MTF1: variants seen among roughly 807,000 people sequenced by gnomAD.
The protein encoded by MTF1 is metal regulatory transcription factor 1.
A neutral mutation model predicts 70.4 loss-of-function variants in MTF1; 22 were observed. The ratio of observed to expected loss-of-function variants is 0.31; its 90% CI spans 0.22 to 0.45. MTF1 has a LOEUF of 0.45. Among genes scored for constraint, MTF1 ranks in the 20% least tolerant of loss-of-function variants. The pLI is 1.00. For synonymous variants in MTF1, 333 were observed against 352.8 expected (o/e 0.94, Z 0.63); for missense variants, 649 against 922.0 (o/e 0.70, Z 3.83).
intron 7 of MTF1, among the ~76,000 whole-genome samples, chr1:37,830,219 A>G (rs1413210661): frequency 6.6e-6 from 1 of 152,232 alleles, no homozygotes; most frequent in African/African-American, 2.4e-5. Flanking sequence ...AGGAATATGC[A>G]TAAAAGTCAT....
chr1:37,816,593 T>C (rs1440935096), intron 10 of MTF1, among the ~76,000 whole-genome samples: 1 of 148,534 alleles, frequency 6.7e-6, no homozygotes, highest in African/African-American at 2.5e-5. Flanking sequence ...GAGAATCACT[T>C]GAACCTAGGA....
At chr1:37,817,537 A>G in intron 9 of MTF1, 55 bp from the exon 10 acceptor site, 1 of 1,213,404 alleles carries the variant, frequency 8.2e-7, no homozygotes, top group Non-Finnish European at 1.2e-6. Context: ...GCAGATCCCC[A>G]GGGACCTGAA....
At chr1:37,835,281 T>C (rs1180054042) in intron 5 of MTF1, 66 bp from the exon 6 acceptor site, 1 of 1,399,150 alleles carries the variant, frequency 7.1e-7, no homozygotes, top group Non-Finnish European at 1.0e-6. Flanking sequence ...GAAATCTACC[T>C]TTCCCTAATA....
In MTF1 at chr1:37,857,431, C is replaced by T. The variant is rs776310392; in HGVS notation, c.228G>A (p.Gly76=). The T allele has an allele frequency of 1.2e-6, 2 of 1,614,160 alleles. No individual in the cohort carries two copies. Among genetic ancestry groups the T allele is most frequent in the East Asian group, 2.2e-5 (1 of 44,882 alleles). The change falls in exon 2 of 11, where the codon GGG becomes GGA. Residue 76 remains glycine (G), a synonymous_variant. Transcript: ENST00000373036. ...CTATCAGGTGAAAGCCCTCTTCACC[C>T]CCTACTAGAAAAGGCAAGTGTTCTC... ...QCGEHLPFLV[G]GEEGFHLIDH... is the part of the protein sequence containing the mutation.
Position 37,857,694 on chromosome 1 carries a change from A to G in MTF1, c.-36T>C, listed in dbSNP as rs1426249603. 1.3e-6 allele frequency: 2 copies of G among 1,597,632 alleles called. No individual in the cohort carries two copies. The highest frequency in any genetic ancestry group is 2.7e-5 in the African/African-American group (2 of 74,614). On this transcript the variant is annotated 5_prime_UTR_variant, in exon 2 of 11. Coordinates refer to ENST00000373036, the MANE Select transcript of MTF1 (RefSeq NM_005955.3). ...TGCTCAGCCCAGTTGTGAGAAATGA[A>G]AACGTAATGACTTGTCTGCAACAGA...
At chr1:37,842,465 C>G (rs1486827388) in intron 2 of MTF1, among the ~76,000 whole-genome samples, 4 of 152,168 alleles carry the variant, frequency 2.6e-5, no homozygotes, top group Non-Finnish European at 4.4e-5. Context: ...CCCTATTTTC[C>G]TTGACTATTC....
At chr1:37,829,505 G>A (rs551290537) in intron 7 of MTF1, among the ~76,000 whole-genome samples, 3 of 151,602 alleles carry the variant, frequency 2.0e-5, no homozygotes, top group East Asian at 2.0e-4. Flanking sequence ...AATCCTGGCC[G>A]GGCGCGGTGG....
chr1:37,826,538 A>ACTGGGATTAC lies in MTF1; in HGVS notation c.1069-2736_1069-2727dup, dbSNP rs750321390. 8 of 455,020 alleles carry ACTGGGATTAC rather than the reference A, an allele frequency of 1.8e-5. 1 individual carries two copies. Among genetic ancestry groups the ACTGGGATTAC allele is most frequent in the South Asian group, 1.2e-4 (8 of 64,444 alleles). 28.2% of individuals were successfully genotyped at this position (455,020 alleles called of 1,614,324 possible). Reference sequence around the variant, plus strand: ...TGGCCTCAAGCAGTCTTCCCAAAGCACTGGGATTACAAGTATGAGCCACCA... The same window carrying ACTGGGATTAC: ...TGGCCTCAAGCAGTCTTCCCAAAGCACTGGGATTACCTGGGATTACAAGTATGAGCCACCA... On this transcript the variant is annotated intron_variant, in intron 7 of 10. Transcript: ENST00000373036.
At chr1:37,817,990 G>C (rs746206208) in intron 9 of MTF1, among the ~76,000 whole-genome samples, 20 of 152,236 alleles carry the variant, frequency 1.3e-4, no homozygotes, top group Non-Finnish European at 2.6e-4. Context: ...CATAGTTCAA[G>C]GGTGGGCCCT....
intron 2 of MTF1, among the ~76,000 whole-genome samples, chr1:37,853,590 C>T (rs1047978662): frequency 6.6e-6 from 1 of 152,224 alleles, no homozygotes; most frequent in Non-Finnish European, 1.5e-5. Flanking sequence ...GGACAACTGG[C>T]TATTCCCTGA....
intron 7 of MTF1, among the ~76,000 whole-genome samples, chr1:37,831,290 G>A (rs1276409466): frequency 2.6e-5 from 4 of 152,254 alleles, no homozygotes; most frequent in Middle Eastern, 3.4e-3. Context: ...AGGTTCAGAT[G>A]CCACGGTCAG....
intron 2 of MTF1, among the ~76,000 whole-genome samples, chr1:37,847,454 G>A (rs367633934): frequency 9.2e-5 from 14 of 152,122 alleles, no homozygotes; most frequent in African/African-American, 3.1e-4. Context: ...CATAGTGATC[G>A]GTACATATCA....
intron 5 of MTF1, 116 bp from the exon 6 acceptor site, chr1:37,835,331 T>G: frequency 1.1e-6 from 1 of 871,770 alleles, no homozygotes; most frequent in South Asian, 1.6e-5. Flanking sequence ...GGGTAACAGT[T>G]GTTAAAAGTT....
chr1:37,845,224 G>A (rs945899349), intron 2 of MTF1, among the ~76,000 whole-genome samples: 1 of 152,220 alleles, frequency 6.6e-6, no homozygotes, highest in Admixed American at 6.5e-5. Flanking sequence ...CAAGTGACAT[G>A]TGACAAAGGA....
rs542626598 is a variant in MTF1 at position 37,841,597 on chromosome 1, C to T, written c.409-1439G>A. The T allele has an allele frequency of 4.2e-4, 75 of 180,386 alleles. No homozygotes were observed. The South Asian group carries it at 9.3e-3, about 22-fold the overall frequency. 11.2% of individuals were successfully genotyped at this position (180,386 alleles called of 1,614,324 possible). The stretch of plus-strand genomic sequence containing the variant: ...AAAGACTGTATTCACCAAGTCTCCC[C>T]GTCAGGAATTCACTGACCACCTCAT... On this transcript the variant is annotated intron_variant, in intron 2 of 10. Transcript: ENST00000373036.
In MTF1 at chr1:37,820,373, G is replaced by A. The variant is rs535600430; in HGVS notation, c.1767+1748C>T. ...ACCATTAGTGTCTGAACCCCTCAAC[G>A]CAGTGGCCAAGAGCCACCAACTCTG... On this transcript the variant is annotated intron_variant, in intron 9 of 10. Transcript: ENST00000373036. 8.5e-5 allele frequency among the ~76,000 whole-genome samples: 13 copies of A among 152,300 alleles called. No individual in the cohort carries two copies. In the South Asian group the frequency reaches 2.5e-3, roughly 29 times the overall value.
chr1:37,835,028 A>C, intron 6 of MTF1, 51 bp downstream of exon 6: 1 of 1,592,108 alleles, frequency 6.3e-7, no homozygotes, highest in Non-Finnish European at 8.6e-7. Context: ...ATACACAAAC[A>C]ACTGTTGAAG....
chr1:37,818,810 C>T (rs1166853545), intron 9 of MTF1, among the ~76,000 whole-genome samples: 11 of 150,554 alleles, frequency 7.3e-5, no homozygotes, highest in Admixed American at 5.3e-4. Context: ...CTGGCTAATA[C>T]GGTGAAACCC....
rs138952316 is a variant in MTF1, at chr1:37,838,756, C to T, written c.648G>A (p.Arg216=). 8.7e-6 allele frequency: 13 copies of T among 1,488,024 alleles called. 1 individual carries two copies. The highest frequency in any genetic ancestry group is 1.2e-5 in the Non-Finnish European group (13 of 1,107,788). 92.2% of individuals were successfully genotyped at this position (1,488,024 alleles called of 1,614,324 possible). Residue 216 remains arginine, a splice_region_variant and synonymous_variant, in exon 4 of 11, where the codon AGG becomes AGA. Transcript: ENST00000373036. ...GCEKAFNTLY[R]LKAHQRLHTG... is the part of the protein sequence containing the mutation. ...TGTGAAGCCTCTGATGTGCTTTCAG[C>T]CTGCAAAATATTCCAGAAAAATTCC...
Sources: gnomAD v4.1 joint callset for allele counts (sites outside exome capture counted in the v4.1 genomes callset) on GRCh38, gnomAD v4.1.1 for gene constraint, MANE v1.5 for transcripts, NCBI Gene and HGNC (gene_info 2026-07-23, HGNC 2026-07-21) for gene names.